The following MALRD1 variants were observed in gnomAD, a reference collection of about 807,000 sequenced individuals.
The protein encoded by MALRD1 is MAM and LDL receptor class A domain containing 1.
Under a neutral mutation model 242.1 loss-of-function variants are expected in MALRD1, and 247 were observed. The observed-to-expected ratio is 1.02, with a 90% CI of 0.92 to 1.13. The LOEUF (loss-of-function observed/expected upper bound fraction) is 1.13, where lower values mean the gene tolerates loss of function less well. Ranked by LOEUF, MALRD1 falls within the 50% of genes most tolerant of loss-of-function variation. MALRD1 has a pLI of 0.00. For missense variants in MALRD1, 2,989 were observed against 2,533.1 expected, an observed-to-expected ratio of 1.18 and a Z score of -3.86; for synonymous variants, 995 against 866.6, an observed-to-expected ratio of 1.15 and a Z score of -2.60.
chr10:19,131,855 A>G (rs1833122782), intron 8 of MALRD1, among the ~76,000 whole-genome samples: 2 of 152,322 alleles, frequency 1.3e-5, no homozygotes, highest in South Asian at 2.1e-4. Context: ...ACATCACTTG[A>G]AAAGCTTTGC....
chr10:19,273,809 C>T (rs72796446), intron 19 of MALRD1, among the ~76,000 whole-genome samples: 149 of 152,106 alleles, frequency 9.8e-4, no homozygotes, highest in Non-Finnish European at 1.6e-3. Context: ...TAAGTGCTGA[C>T]AGGAATAGGG....
intron 28 of MALRD1, among the ~76,000 whole-genome samples, chr10:19,423,948 T>C (rs948500548): frequency 2.6e-5 from 4 of 152,186 alleles, no homozygotes; most frequent in Non-Finnish European, 4.4e-5. Context: ...ATCATTTATG[T>C]TGGATGTTAA....
chr10:19,293,957 A>C (rs1175827500), intron 21 of MALRD1, among the ~76,000 whole-genome samples: 1 of 152,162 alleles, frequency 6.6e-6, no homozygotes, highest in Non-Finnish European at 1.5e-5. Flanking sequence ...ATTTAAGAGA[A>C]ATTTGTGCTG....
At chr10:19,191,268 C>G (rs1835962623) in intron 14 of MALRD1, among the ~76,000 whole-genome samples, 1 of 152,136 alleles carries the variant, frequency 6.6e-6, no homozygotes, top group South Asian at 2.1e-4. Context: ...GAGATACCAC[C>G]TTGCATCCAT....
At chr10:19,047,230 T>C (rs1479430817), upstream of MALRD1, among the ~76,000 whole-genome samples, 1 of 152,136 alleles carries the variant, frequency 6.6e-6, no homozygotes, top group Non-Finnish European at 1.5e-5. Flanking sequence ...ACAGGTTCCT[T>C]ACTTGGGTAA....
intron 14 of MALRD1, among the ~76,000 whole-genome samples, chr10:19,191,466 A>G (rs1835971810): frequency 6.6e-6 from 1 of 152,218 alleles, no homozygotes; most frequent in African/African-American, 2.4e-5. Context: ...TAATTACCAT[A>G]TGCTTCGGCA....
chr10:19,663,959 TC>T (rs2131740125), intron 36 of MALRD1, among the ~76,000 whole-genome samples: 1 of 152,214 alleles, frequency 6.6e-6, no homozygotes, highest in African/African-American at 2.4e-5. Context: ...TGTGGCCTTT[TC>T]TACTTGCCAG....
At chr10:19,683,250 C>T (rs1362153809) in intron 36 of MALRD1, among the ~76,000 whole-genome samples, 3 of 152,126 alleles carry the variant, frequency 2.0e-5, no homozygotes, top group South Asian at 2.1e-4. Flanking sequence ...ACAATGGGAT[C>T]GGAGCCTGCC....
chr10:19,433,571 A>T (rs191689987), intron 28 of MALRD1, among the ~76,000 whole-genome samples: 1 of 152,256 alleles, frequency 6.6e-6, no homozygotes, highest in Non-Finnish European at 1.5e-5. Context: ...GGCTTATTGG[A>T]CATGCTTTAG....
At chr10:19,240,392 A>G (rs931382743) in intron 18 of MALRD1, among the ~76,000 whole-genome samples, 2 of 152,052 alleles carry the variant, frequency 1.3e-5, no homozygotes, top group African/African-American at 4.8e-5. Flanking sequence ...TCAAGTCTTT[A>G]GGGTTCTCAC....
At chr10:19,273,256 A>G (rs1217163281) in intron 19 of MALRD1, among the ~76,000 whole-genome samples, 2 of 152,190 alleles carry the variant, frequency 1.3e-5, no homozygotes, top group Non-Finnish European at 2.9e-5. Flanking sequence ...AAATGCAAGG[A>G]TGTGGAGCAA....
At chr10:19,302,365 A>G (rs1841988774) in intron 21 of MALRD1, among the ~76,000 whole-genome samples, 1 of 151,846 alleles carries the variant, frequency 6.6e-6, no homozygotes, top group African/African-American at 2.4e-5. Context: ...TTCATAATAG[A>G]TAAAATGTGG....
At chr10:19,734,034 G>GT in intron 39 of MALRD1, 123 bp from the exon 40 acceptor site, 1 of 687,638 alleles carries the variant, frequency 1.5e-6, no homozygotes, top group Non-Finnish European at 2.4e-6. Context: ...AGTCAGGGAT[G>GT]TTCTAGTTAT....
intron 36 of MALRD1, among the ~76,000 whole-genome samples, chr10:19,626,263 A>T (rs1422167226): frequency 6.6e-6 from 1 of 151,556 alleles, no homozygotes; most frequent in Non-Finnish European, 1.5e-5. Context: ...TTTCTGTCAA[A>T]AAACTGAAGG....
chr10:19,466,802 T>A (rs7081165), intron 29 of MALRD1, among the ~76,000 whole-genome samples: 1 of 151,992 alleles, frequency 6.6e-6, no homozygotes, highest in African/African-American at 2.4e-5. Context: ...TTCATATACA[T>A]CTATGCACAT....
intron 31 of MALRD1, among the ~76,000 whole-genome samples, chr10:19,509,621 A>G (rs962988991): frequency 6.6e-6 from 1 of 152,166 alleles, no homozygotes; most frequent in Non-Finnish European, 1.5e-5. Flanking sequence ...TGGAACTCAC[A>G]AGGTACAGTA....
At chr10:19,514,059 G>T (rs1833523607) in intron 31 of MALRD1, among the ~76,000 whole-genome samples, 1 of 152,174 alleles carries the variant, frequency 6.6e-6, no homozygotes, top group Non-Finnish European at 1.5e-5. Context: ...TAGGCTTACA[G>T]CTGTTTGTAA....
intron 32 of MALRD1, among the ~76,000 whole-genome samples, chr10:19,542,245 T>C (rs1288147100): frequency 6.6e-6 from 1 of 152,134 alleles, no homozygotes; most frequent in African/African-American, 2.4e-5. Context: ...AAGCTGAATA[T>C]TATTTCTTTA....
rs1005275880 is a variant in MALRD1, at chr10:19,644,377, G to A, written c.6137+28454G>A. ...TCATTCATTTGAAAGAGACATTAAC[G>A]TTGCCTGGAGGCTCAGAAGGTTCTT... On this transcript the variant is annotated intron_variant, in intron 36 of 39. Transcript: ENST00000454679. Among the ~76,000 whole-genome samples, 8 of 152,182 alleles carry A rather than the reference G, an allele frequency of 5.3e-5. No individual in the cohort carries two copies. In the East Asian group the frequency reaches 1.2e-3, roughly 22 times the overall value.
Sources: allele counts gnomAD v4.1 joint callset (sites outside exome capture counted in the v4.1 genomes callset), GRCh38; gene constraint gnomAD v4.1.1; transcripts MANE v1.5; gene names NCBI Gene and HGNC (gene_info 2026-07-23, HGNC 2026-07-21).